KIAA1217: variants seen among roughly 807,000 people sequenced by gnomAD.
The protein encoded by KIAA1217 is sickle tail protein homolog.
Under a neutral mutation model 163.9 loss-of-function variants are expected in KIAA1217, and 88 were observed. The observed-to-expected ratio is 0.54, with a 90% CI of 0.45 to 0.64. KIAA1217 has a LOEUF of 0.64. Ranked by LOEUF, KIAA1217 falls within the 30% of genes least tolerant of loss-of-function variation. KIAA1217 has a pLI of 0.00. For missense variants in KIAA1217, 2,372 were observed against 2,475.0 expected (o/e 0.96, Z 0.88); for synonymous variants, 903 against 923.1 (o/e 0.98, Z 0.39).
intron 1 of KIAA1217, among the ~76,000 whole-genome samples, chr10:23,926,540 C>T (rs1271813352): frequency 3.9e-5 from 6 of 152,054 alleles, no homozygotes; most frequent in Non-Finnish European, 5.9e-5. Flanking sequence ...GCCTGACCAA[C>T]ATGGTGAAGC....
chr10:23,706,332 A>C (rs1836881213), intron 1 of KIAA1217, among the ~76,000 whole-genome samples: 1 of 152,152 alleles, frequency 6.6e-6, no homozygotes, highest in African/African-American at 2.4e-5. Context: ...ACAGGTGGAC[A>C]TCCTTGTCTT....
chr10:24,239,348 G>A (rs1304539840), intron 2 of KIAA1217: 4 of 974,482 alleles, frequency 4.1e-6, no homozygotes, highest in East Asian at 1.1e-4. Context: ...GTAAATATGC[G>A]GGGTTTTTTT....
intron 3 of KIAA1217, among the ~76,000 whole-genome samples, chr10:24,389,902 G>C (rs926778936): frequency 2.7e-5 from 3 of 109,270 alleles, no homozygotes; most frequent in Non-Finnish European, 5.1e-5. Flanking sequence ...GACTGCTGGG[G>C]CAGGCATCCA....
rs957298684 is a variant in KIAA1217, at chr10:24,089,985, GTCAA to G, written c.-171+82614_-171+82617del. ...ACCAAAAAAGGTCCTGCATTGCCAA[GTCAA>G]TCCTAAGCCAAAAGAACAAAGCTGG... is the stretch of plus-strand genomic sequence containing the variant. On this transcript the variant is annotated intron_variant, in intron 2 of 18. Coordinates refer to the KIAA1217 transcript ENST00000376462. Among the ~76,000 whole-genome samples, 72 of 151,748 alleles carry G rather than the reference GTCAA, an allele frequency of 4.7e-4. 3 individuals are homozygous for G. Among genetic ancestry groups the G allele is most frequent in the African/African-American group, 1.7e-3 (69 of 41,124 alleles).
intron 5 of KIAA1217, among the ~76,000 whole-genome samples, chr10:24,458,118 G>A (rs2061995176): frequency 6.6e-6 from 1 of 152,226 alleles, no homozygotes; most frequent in African/African-American, 2.4e-5. Flanking sequence ...CAGGGCGTGG[G>A]CAGAGATGCC....
intron 2 of KIAA1217, among the ~76,000 whole-genome samples, chr10:24,379,671 C>A (rs1482802206): frequency 6.6e-6 from 1 of 152,156 alleles, no homozygotes; most frequent in Admixed American, 6.5e-5. Flanking sequence ...GAGTATCAGG[C>A]ACACCTTGGG....
chr10:24,229,611 G>A lies in KIAA1217; in HGVS notation c.354+9702G>A, dbSNP rs182383286. ...CGGCTCACTGCAACCTCCGCCTCCC[G>A]GGTTCAAGCAAGTCTCCTGCCTCAG... On this transcript the variant is annotated intron_variant, in intron 2 of 20. Coordinates refer to ENST00000376454, the MANE Select transcript of KIAA1217 (RefSeq NM_019590.5). Among the ~76,000 whole-genome samples the A allele has an allele frequency of 7.2e-5, 11 of 152,192 alleles. No homozygotes were observed. In the East Asian group the frequency reaches 2.1e-3, roughly 29 times the overall value.
intron 6 of KIAA1217, among the ~76,000 whole-genome samples, chr10:24,479,901 C>T (rs1012530083): frequency 1.3e-5 from 2 of 152,190 alleles, no homozygotes; most frequent in Non-Finnish European, 2.9e-5. Context: ...AAATCACTCA[C>T]TACATTGAGA....
At chr10:23,885,254 T>A (rs996040262) in intron 1 of KIAA1217, among the ~76,000 whole-genome samples, 1 of 151,948 alleles carries the variant, frequency 6.6e-6, no homozygotes, top group Non-Finnish European at 1.5e-5. Context: ...CCTTATATAG[T>A]TACTGTGTGT....
At chr10:23,711,842 A>T (rs1309120642) in intron 1 of KIAA1217, among the ~76,000 whole-genome samples, 20 of 152,196 alleles carry the variant, frequency 1.3e-4, no homozygotes, top group Non-Finnish European at 7.3e-5. Flanking sequence ...GTTTAACTCC[A>T]GGAATTAGAG....
chr10:23,945,420 C>T (rs193071848), intron 1 of KIAA1217, among the ~76,000 whole-genome samples: 42 of 152,184 alleles, frequency 2.8e-4, no homozygotes, highest in African/African-American at 1.0e-3. Flanking sequence ...AGAGAGAAAA[C>T]TAATTTATGG....
At chr10:24,514,592 C>T (rs1387250769) in intron 10 of KIAA1217, among the ~76,000 whole-genome samples, 1 of 152,212 alleles carries the variant, frequency 6.6e-6, no homozygotes, top group Non-Finnish European at 1.5e-5. Flanking sequence ...CAGAGTTAAT[C>T]ACCCACCATG....
At chr10:24,152,996 A>G (rs1408628278) in intron 2 of KIAA1217, among the ~76,000 whole-genome samples, 1 of 152,240 alleles carries the variant, frequency 6.6e-6, no homozygotes, top group Non-Finnish European at 1.5e-5. Flanking sequence ...GAAAGTCTAC[A>G]AGAAGAACCT....
At chr10:23,748,787 C>T (rs182260564) in intron 1 of KIAA1217, among the ~76,000 whole-genome samples, 9 of 152,148 alleles carry the variant, frequency 5.9e-5, no homozygotes, top group African/African-American at 2.2e-4. Flanking sequence ...AACCCACTAC[C>T]CCATCACTGT....
upstream of KIAA1217, among the ~76,000 whole-genome samples, chr10:24,207,280 T>TCACACACACACA (rs1218257115): frequency 7.3e-4 from 72 of 98,888 alleles, no homozygotes; most frequent in African/African-American, 5.4e-3. Flanking sequence ...TCTCTCTCTC[T>TCACACACACACA]CTCACACACA....
chr10:24,339,064 A>T (rs140091834), intron 2 of KIAA1217, among the ~76,000 whole-genome samples: 57 of 152,288 alleles, frequency 3.7e-4, no homozygotes, highest in African/African-American at 1.4e-3. Context: ...CAGTGTTACT[A>T]TGTGGATTGA....
At chr10:24,286,205 C>G (rs1283235720) in intron 2 of KIAA1217, among the ~76,000 whole-genome samples, 2 of 151,890 alleles carry the variant, frequency 1.3e-5, no homozygotes, top group African/African-American at 4.8e-5. Context: ...TTGTTCAGAT[C>G]TTTTGCCCAT....
intron 1 of KIAA1217, among the ~76,000 whole-genome samples, chr10:23,841,701 G>T (rs141076475): frequency 6.6e-6 from 1 of 151,794 alleles, no homozygotes; most frequent in African/African-American, 2.4e-5. Flanking sequence ...AAACAGAAAA[G>T]CAGCTTAAAT....
At position 23,899,976 on chromosome 10, in the gene KIAA1217, C is replaced by T. The variant is rs530309213; in HGVS notation, c.-320-107249C>T. 4.0e-5 allele frequency among the ~76,000 whole-genome samples: 6 copies of T among 150,562 alleles called. No individual in the cohort carries two copies. The South Asian group carries it at 8.4e-4, about 21-fold the overall frequency. ...TCTTTCTCTCTCCCTCTGTCTCTTC[C>T]TTCCTCTCTCCCTCCTTCCCTTTCT... On this transcript the variant is annotated intron_variant, in intron 1 of 18. Coordinates refer to the KIAA1217 transcript ENST00000376462.
Sources: allele counts gnomAD v4.1 joint callset (sites outside exome capture counted in the v4.1 genomes callset), GRCh38; gene constraint gnomAD v4.1.1; transcripts MANE v1.5; gene names NCBI Gene and HGNC (gene_info 2026-07-23, HGNC 2026-07-21).